The following CDH12 variants were observed in gnomAD, a reference collection of about 807,000 sequenced individuals.
CDH12 encodes the protein cadherin-12.
CDH12 carries 41 observed loss-of-function variants against 74.1 expected under a neutral mutation model. The ratio of observed to expected loss-of-function variants is 0.55; its 90% confidence interval spans 0.43 to 0.72. CDH12 has a LOEUF of 0.72. Among genes scored for constraint, CDH12 ranks in the 30% least tolerant of loss-of-function variants. The pLI is 0.00. For missense variants in CDH12, 945 were observed against 977.2 expected, an observed-to-expected ratio of 0.97 and a Z score of 0.44; for synonymous variants, 399 against 355.0, an observed-to-expected ratio of 1.12 and a Z score of -1.39.
At chr5:21,776,292 G>C (rs550849470) in intron 11 of CDH12, among the ~76,000 whole-genome samples, 5 of 152,150 alleles carry the variant, frequency 3.3e-5, no homozygotes, top group African/African-American at 4.8e-5. Flanking sequence ...AGTCTTACAA[G>C]AGAAACCTTA....
Position 21,782,408 on chromosome 5 carries a change from T to C in CDH12, c.1393+950A>G, listed in dbSNP as rs181844334. ...GACTATTCATGTTTGTTCGGAGTTG[T>C]TGAAGACAAACAAAACTGTTTGATG... On this transcript the variant is annotated intron_variant, in intron 11 of 14. Coordinates refer to ENST00000382254, the MANE Select transcript of CDH12 (RefSeq NM_004061.5). Among the ~76,000 whole-genome samples the C allele has an allele frequency of 2.6e-5, 4 of 152,346 alleles. No individual in the cohort carries two copies. In the East Asian group the frequency reaches 5.8e-4, roughly 22 times the overall value.
Position 21,979,179 on chromosome 5 carries a change from T to C in CDH12, c.232-3794A>G, listed in dbSNP as rs1055164959. ...TAAAACTAACAGCTAGAAATATTTC[T>C]TCTTCCAATTATTAAAAATAAGCTG... is the stretch of plus-strand genomic sequence containing the variant. On this transcript the variant is annotated intron_variant, in intron 5 of 14. Transcript: ENST00000382254. Among the ~76,000 whole-genome samples the C allele has an allele frequency of 3.9e-5, 6 of 152,244 alleles. No individual in the cohort carries two copies. The East Asian group carries it at 5.8e-4, about 15-fold the overall frequency.
intron 3 of CDH12, among the ~76,000 whole-genome samples, chr5:22,362,126 C>T (rs898715249): frequency 3.3e-5 from 5 of 152,100 alleles, no homozygotes; most frequent in African/African-American, 4.8e-5. Flanking sequence ...AAGAAACAAC[C>T]GTCAGAGTGA....
At chr5:22,531,953 G>A (rs138298831) in intron 1 of CDH12, among the ~76,000 whole-genome samples, 1 of 152,212 alleles carries the variant, frequency 6.6e-6, no homozygotes, top group African/African-American at 2.4e-5. Flanking sequence ...GGTTCACCAG[G>A]CAGGGCTGAA....
intron 1 of CDH12, among the ~76,000 whole-genome samples, chr5:22,716,328 T>G (rs933249931): frequency 6.6e-6 from 1 of 152,162 alleles, no homozygotes; most frequent in Non-Finnish European, 1.5e-5. Flanking sequence ...CCATTAACAC[T>G]GAGGCACATA....
chr5:22,791,973 C>T (rs758204040), intron 1 of CDH12, among the ~76,000 whole-genome samples: 1 of 151,994 alleles, frequency 6.6e-6, no homozygotes, highest in Non-Finnish European at 1.5e-5. Flanking sequence ...CATACGTCTT[C>T]TCTAATTAGT....
At chr5:22,804,358 GATAA>G (rs1474941595) in intron 1 of CDH12, among the ~76,000 whole-genome samples, 1 of 152,010 alleles carries the variant, frequency 6.6e-6, no homozygotes, top group African/African-American at 2.4e-5. Context: ...TTGAGGAAAG[GATAA>G]ATAAAGCTGT....
At chr5:21,997,088 A>C (rs911286408) in intron 5 of CDH12, among the ~76,000 whole-genome samples, 2 of 152,146 alleles carry the variant, frequency 1.3e-5, no homozygotes, top group Non-Finnish European at 2.9e-5. Flanking sequence ...GACATTATTA[A>C]TAATCGTTTT....
chr5:22,774,265 T>A (rs994585820), intron 1 of CDH12, among the ~76,000 whole-genome samples: 1 of 152,112 alleles, frequency 6.6e-6, no homozygotes, highest in Non-Finnish European at 1.5e-5. Flanking sequence ...GAAAATGTGA[T>A]ACATATAAAC....
chr5:22,640,839 G>T (rs1166556760), intron 1 of CDH12, among the ~76,000 whole-genome samples: 2 of 151,886 alleles, frequency 1.3e-5, no homozygotes, highest in Non-Finnish European at 2.9e-5. Flanking sequence ...CTTATTCTCT[G>T]GTCACTATTC....
At chr5:22,402,474 T>C (rs930182058) in intron 3 of CDH12, among the ~76,000 whole-genome samples, 4 of 152,300 alleles carry the variant, frequency 2.6e-5, no homozygotes, top group African/African-American at 9.6e-5. Flanking sequence ...TACTATCAAG[T>C]AGAAAGCAAG....
At position 21,861,113 on chromosome 5, in the gene CDH12, A is replaced by C. The variant is rs116497758; in HGVS notation, c.527-6323T>G. On this transcript the variant is annotated intron_variant, in intron 6 of 14. Transcript: ENST00000382254. ...GAGCCACCTTCACTGCGGATCAAAA[A>C]TCAGATGGAAGAGGTGGCAGAGAAA... Among the ~76,000 whole-genome samples, 447 of 152,136 alleles carry C rather than the reference A, an allele frequency of 2.9e-3. 4 individuals carry two copies. Among genetic ancestry groups the C allele is most frequent in the Non-Finnish European group, 4.7e-3 (320 of 67,988 alleles).
At chr5:22,322,584 T>A (rs1738932122) in intron 3 of CDH12, among the ~76,000 whole-genome samples, 1 of 152,160 alleles carries the variant, frequency 6.6e-6, no homozygotes, top group Non-Finnish European at 1.5e-5. Flanking sequence ...GAGACACTCA[T>A]ACACATACAC....
At chr5:22,156,424 A>C (rs1254823058) in intron 4 of CDH12, among the ~76,000 whole-genome samples, 1 of 152,186 alleles carries the variant, frequency 6.6e-6, no homozygotes, top group African/African-American at 2.4e-5. Context: ...ATAAAGTCTT[A>C]CTCAACTTGA....
At chr5:22,451,925 T>C (rs991072718) in intron 2 of CDH12, among the ~76,000 whole-genome samples, 1 of 151,940 alleles carries the variant, frequency 6.6e-6, no homozygotes, top group East Asian at 1.9e-4. Flanking sequence ...AATTTTTGAA[T>C]ATTACCAGTG....
At chr5:21,793,484 A>G (rs1279986949) in intron 10 of CDH12, among the ~76,000 whole-genome samples, 2 of 151,702 alleles carry the variant, frequency 1.3e-5, no homozygotes, top group Admixed American at 1.3e-4. Flanking sequence ...TTGAATATTC[A>G]AACGTATTTA....
chr5:22,662,691 T>G (rs945576352), intron 1 of CDH12, among the ~76,000 whole-genome samples: 1 of 152,238 alleles, frequency 6.6e-6, no homozygotes, highest in African/African-American at 2.4e-5. Context: ...AAAATTTTTT[T>G]GATGAAATTT....
intron 1 of CDH12, among the ~76,000 whole-genome samples, chr5:22,778,044 A>G (rs1198086898): frequency 6.6e-6 from 1 of 152,120 alleles, no homozygotes. Context: ...ACCTCAAGTG[A>G]TCAGCCCACC....
chr5:22,465,108 T>A (rs1040704633), intron 2 of CDH12, among the ~76,000 whole-genome samples: 1 of 151,968 alleles, frequency 6.6e-6, no homozygotes, highest in African/African-American at 2.4e-5. Context: ...TCTCTCTAGT[T>A]CTAATATTTT....
Sources: allele counts gnomAD v4.1 joint callset (sites outside exome capture counted in the v4.1 genomes callset), GRCh38; gene constraint gnomAD v4.1.1; transcripts MANE v1.5; gene names NCBI Gene and HGNC (gene_info 2026-07-23, HGNC 2026-07-21).